PKP3: variants seen among roughly 807,000 people sequenced by gnomAD.
PKP3 encodes plakophilin 3.
A neutral mutation model predicts 76.5 loss-of-function variants in PKP3; 66 were observed. The ratio of observed to expected loss-of-function variants is 0.86; its 90% CI spans 0.71 to 1.06. The LOEUF is 1.06. Ranked by LOEUF, PKP3 falls within the 50% of genes least tolerant of loss-of-function variation. PKP3 has a pLI of 0.00. For missense variants in PKP3, 1,338 were observed against 1,141.0 expected, an observed-to-expected ratio of 1.17 and a Z score of -2.49; for synonymous variants, 638 against 516.5, an observed-to-expected ratio of 1.24 and a Z score of -3.19.
rs1438187533 is a variant in PKP3, at chr11:400,502, ACCCGCGCCCCTGC to A, written c.1567-22_1567-10del. On this transcript the variant is annotated intron_variant, in intron 7 of 12. Coordinates refer to ENST00000331563, the MANE Select transcript of PKP3 (RefSeq NM_007183.4). ...GCCGTGCCCCCGGGCCGCCGCTCTGACCCGCGCCCCTGCCCCGCGCCCCCGCCCGCAGAGCGTG... is the reference window on the plus strand; with the variant it reads ...GCCGTGCCCCCGGGCCGCCGCTCTGACCCGCGCCCCCGCCCGCAGAGCGTG... 72 of 1,495,758 alleles carry A rather than the reference ACCCGCGCCCCTGC, an allele frequency of 4.8e-5. No individual in the cohort carries two copies. Among genetic ancestry groups the A allele is most frequent in the Non-Finnish European group, 6.3e-5 (71 of 1,125,522 alleles). 92.7% of individuals were successfully genotyped at this position (1,495,758 alleles called of 1,614,324 possible). A position where few individuals can be genotyped will look rare whatever the true frequency, so the allele number is the denominator to read the frequency against.
intron 10 of PKP3, 51 bp from the exon 11 acceptor site, chr11:403,892 T>A (rs1482531749): frequency 2.6e-6 from 4 of 1,563,382 alleles, no homozygotes; most frequent in Non-Finnish European, 3.5e-6. Flanking sequence ...GGACCCCAGG[T>A]GCCCAGGTGG....
chr11:396,417 G>A (rs1292854186), intron 1 of PKP3, 191 bp from the exon 2 acceptor site: 7 of 519,316 alleles, frequency 1.3e-5, no homozygotes, highest in Non-Finnish European at 2.0e-5. Flanking sequence ...TGGACCACCA[G>A]GGCTGACATG....
rs746485316 is a variant in PKP3 at position 404,535 on chromosome 11, A to C, written c.2360A>C (p.Lys787Thr). ...YNKLHRDFRA[K>T]GYRKEDFLGP ...ACCTTGGGCCTCTCTCCACTGTAGA[A>C]GGGCTATCGGAAGGAGGACTTCCTG... is the stretch of plus-strand genomic sequence containing the variant. Residue 787 changes from lysine (K) to threonine (T), a missense_variant and splice_region_variant, in exon 13 of 13, where the codon AAG becomes ACG. Coordinates refer to ENST00000331563, the MANE Select transcript of PKP3 (RefSeq NM_007183.4). The surrounding 1 kb of genome is among the most constrained non-coding windows in gnomAD (Gnocchi z 4.2). The C allele has an allele frequency of 3.7e-6, 6 of 1,612,408 alleles. No homozygotes were observed. Among genetic ancestry groups the C allele is most frequent in the Non-Finnish European group, 5.1e-6 (6 of 1,179,760 alleles).
At chr11:399,311 TCCACCTGCCCCCTCTG>T (rs1444680873) in intron 5 of PKP3, 115 bp downstream of exon 5, 4 of 322,214 alleles carry the variant, frequency 1.2e-5, no homozygotes, top group Non-Finnish European at 2.1e-5. Flanking sequence ...GCCCCCCTTC[TCCACCTGCCCCCTCTG>T]CCACCTGCCC....
In PKP3 at chr11:403,963, C is replaced by T; in HGVS notation, c.2098C>T (p.Leu700=). The T allele has an allele frequency of 6.2e-7, 1 of 1,604,278 alleles. No homozygotes were observed. Among genetic ancestry groups the T allele is most frequent in the Non-Finnish European group, 8.5e-7 (1 of 1,174,370 alleles). Reference sequence around the variant, plus strand: ...CACAGCCACGAAGGTGGTGAGCCACCTGATCGAGAAGCTGCCGGGCAGCGT... The same window carrying T: ...CACAGCCACGAAGGTGGTGAGCCACTTGATCGAGAAGCTGCCGGGCAGCGT... ...DEMSTKVVSH[L]IEKLPGSVGE... The change falls in exon 11 of 13, where the codon CTG becomes TTG. Residue 700 remains leucine, a synonymous_variant. Coordinates refer to ENST00000331563, the MANE Select transcript of PKP3 (RefSeq NM_007183.4).
Position 396,906 on chromosome 11 carries a change from A to G in PKP3, c.405A>G (p.Ser135=). 6.3e-7 allele frequency: 1 copy of G among 1,597,400 alleles called. No individual in the cohort carries two copies. The highest frequency in any genetic ancestry group is 2.2e-5 in the East Asian group (1 of 44,484). The part of the protein sequence containing the change: ...VDLSCSRRLS[S]AHNGGSAFGA... ...TGAGCTGCAGTCGGAGGCTGAGTTC[A>G]GCCCACAACGGGGGCAGCGCCTTTG... Residue 135 remains serine, a synonymous_variant, in exon 3 of 13, where the codon TCA becomes TCG. Transcript: ENST00000331563.
upstream of PKP3, chr11:392,616 G>A (rs1047769993): frequency 9.4e-6 from 12 of 1,281,816 alleles, no homozygotes; most frequent in Admixed American, 9.2e-5. Flanking sequence ...CCCCGCACGC[G>A]CCGGGCCAGG....
upstream of PKP3, chr11:394,197 G>T (rs1250999481): frequency 2.2e-6 from 3 of 1,378,982 alleles, no homozygotes; most frequent in Non-Finnish European, 2.8e-6. Flanking sequence ...AGGCTGGCTG[G>T]GCGGGGACTT....
intron 1 of PKP3, 103 bp downstream of exon 1, chr11:394,627 A>G (rs968382269): frequency 1.0e-6 from 1 of 983,978 alleles, no homozygotes; most frequent in Non-Finnish European, 1.4e-6. Context: ...CCGGCTCCTG[A>G]CTCACCAGGC....
chr11:403,901 G>A (rs974688343), intron 10 of PKP3, 42 bp from the exon 11 acceptor site: 22 of 1,568,710 alleles, frequency 1.4e-5, no homozygotes, highest in Non-Finnish European at 1.9e-5. Context: ...GTGCCCAGGT[G>A]GCCAGGAGTA....
intron 1 of PKP3, among the ~76,000 whole-genome samples, chr11:395,216 G>A (rs929953636): frequency 6.6e-6 from 1 of 152,202 alleles, no homozygotes; most frequent in African/African-American, 2.4e-5. Context: ...AGTGGTTCTA[G>A]GAACGCCATT....
Position 404,184 on chromosome 11 carries a change from T to A in PKP3, c.2270+49T>A. The A allele has an allele frequency of 6.2e-7, 1 of 1,606,792 alleles. No homozygotes were observed. The highest frequency in any genetic ancestry group is 8.5e-7 in the Non-Finnish European group (1 of 1,175,038). ...GCAGCCTGGTCAGGGGTCCTCCCAG[T>A]CCACCCTGCTTTCTGGCTGTGTGTC... On this transcript the variant is annotated intron_variant, in intron 11 of 12. Transcript: ENST00000331563. This position sits in a 1 kb window ranked among gnomAD's most constrained non-coding sequence, Gnocchi z 4.2.
At chr11:403,548 T>A in intron 9 of PKP3, 70 bp from the exon 10 acceptor site, 1 of 1,482,188 alleles carries the variant, frequency 6.7e-7, no homozygotes, top group Non-Finnish European at 9.2e-7. Flanking sequence ...AGCGACCCCA[T>A]TGTGGCAGGA....
At position 397,551 on chromosome 11, in the gene PKP3, T is replaced by A. The variant is rs1426257791; in HGVS notation, c.957T>A (p.Ile319=). 1 of 1,612,200 alleles carries A rather than the reference T, an allele frequency of 6.2e-7. No individual in the cohort carries two copies. Among genetic ancestry groups the A allele is most frequent in the Non-Finnish European group, 8.5e-7 (1 of 1,179,586 alleles). Residue 319 remains isoleucine (I), a synonymous_variant, in exon 4 of 13, where the codon ATT becomes ATA. Coordinates refer to ENST00000331563, the MANE Select transcript of PKP3 (RefSeq NM_007183.4). ...LQRLSSGFDD[I]DLPSAVKYLM... ...CCTGGCTCCGCAGTTTTGATGACATTGACCTGCCCTCAGCAGTCAAGTACC... is the reference window on the plus strand; with the variant it reads ...CCTGGCTCCGCAGTTTTGATGACATAGACCTGCCCTCAGCAGTCAAGTACC...
At position 396,920 on chromosome 11, in the gene PKP3, G is replaced by T; in HGVS notation, c.419G>T (p.Gly140Val). 6.3e-7 allele frequency: 1 copy of T among 1,595,086 alleles called. No homozygotes were observed. The highest frequency in any genetic ancestry group is 8.5e-7 in the Non-Finnish European group (1 of 1,174,432). The change falls in exon 3 of 13, where the codon GGC becomes GTC. Residue 140 changes from glycine (G) to valine (V), a missense_variant. By Grantham distance (109) the Gly-to-Val change is moderately radical. Transcript: ENST00000331563. ...AGGCTGAGTTCAGCCCACAACGGGGGCAGCGCCTTTGGGGCCGCTGGGTAC... is the reference window on the plus strand; with the variant it reads ...AGGCTGAGTTCAGCCCACAACGGGGTCAGCGCCTTTGGGGCCGCTGGGTAC... ...SRRLSSAHNG[G>V]SAFGAAGYGG...
intron 1 of PKP3, among the ~76,000 whole-genome samples, chr11:395,599 C>T (rs548079548): frequency 2.4e-4 from 37 of 152,272 alleles, no homozygotes; most frequent in Non-Finnish European, 4.9e-4. Context: ...TGGGGCGTGC[C>T]CCCACTCCGG....
chr11:404,147 C>A lies in PKP3; in HGVS notation c.2270+12C>A, dbSNP rs1406618297. On this transcript the variant is annotated intron_variant, in intron 11 of 12. Coordinates refer to ENST00000331563, the MANE Select transcript of PKP3 (RefSeq NM_007183.4). This position sits in a 1 kb window ranked among gnomAD's most constrained non-coding sequence, Gnocchi z 4.2. Reference sequence around the variant, plus strand: ...AAGAAGCGGGACAGGTAGGGGCCGACCCAGCCGTGCAGCAGCCTGGTCAGG... The same window carrying A: ...AAGAAGCGGGACAGGTAGGGGCCGAACCAGCCGTGCAGCAGCCTGGTCAGG... 2 of 1,607,804 alleles carry A rather than the reference C, an allele frequency of 1.2e-6. No individual in the cohort carries two copies. Among genetic ancestry groups the A allele is most frequent in the South Asian group, 2.2e-5 (2 of 90,686 alleles).
At position 404,310 on chromosome 11, in the gene PKP3, G is replaced by A. The variant is rs778345117; in HGVS notation, c.2345G>A (p.Arg782His). 1.1e-5 allele frequency: 18 copies of A among 1,612,240 alleles called. No individual in the cohort carries two copies. The highest frequency in any genetic ancestry group is 6.6e-5 in the South Asian group (6 of 91,086). Residue 782 changes from arginine (R) to histidine (H), a missense_variant, in exon 12 of 13, where the codon CGT becomes CAT. Physicochemically the swap from Arg to His is conservative, Grantham distance 29. Transcript: ENST00000331563. This position sits in a 1 kb window ranked among gnomAD's most constrained non-coding sequence, Gnocchi z 4.2. ...ANLWQYNKLH[R>H]DFRAKGYRKE... is the part of the protein sequence containing the mutation. ...CTGTGGCAGTACAACAAGCTCCACCGTGACTTCCGGGCGGTACGTTTCCCG... is the reference window on the plus strand; with the variant it reads ...CTGTGGCAGTACAACAAGCTCCACCATGACTTCCGGGCGGTACGTTTCCCG...
chr11:400,345 C>T lies in PKP3; in HGVS notation c.1460C>T (p.Ser487Leu). The change falls in exon 7 of 13, where the codon TCA becomes TTA. Residue 487 changes from serine to leucine, a missense_variant. Transcript: ENST00000331563. ...ACCTCGGTCCCCAGGAACCTCAGCT[C>T]AGCCTCTCAGGCCACTCGCCAGAAG... is the stretch of plus-strand genomic sequence containing the variant. ...NATGFLRNLS[S>L]ASQATRQKMR... 1.3e-6 allele frequency: 2 copies of T among 1,549,234 alleles called. No individual in the cohort carries two copies. The highest frequency in any genetic ancestry group is 1.7e-6 in the Non-Finnish European group (2 of 1,146,346).
Sources: allele counts gnomAD v4.1 joint callset (sites outside exome capture counted in the v4.1 genomes callset), GRCh38; gene constraint gnomAD v4.1.1; non-coding constraint Gnocchi (gnomAD v3.1); transcripts MANE v1.5; gene names NCBI Gene and HGNC (gene_info 2026-07-23, HGNC 2026-07-21).